The following BAIAP2 variants were observed in gnomAD, a reference collection of about 807,000 sequenced individuals.
BAIAP2 encodes the protein BAR/IMD domain containing adaptor protein 2.
A neutral mutation model predicts 63.0 loss-of-function variants in BAIAP2; 18 were observed. That is an observed-to-expected ratio of 0.29 (90% CI 0.20 to 0.42). BAIAP2 has a LOEUF of 0.42. Among genes scored for constraint, BAIAP2 ranks in the 10% least tolerant of loss-of-function variants. The probability of loss-of-function intolerance (pLI) is 1.00; values close to 1 mark genes in which losing one functional copy is unlikely to be tolerated. For synonymous variants in BAIAP2, 386 were observed against 307.6 expected (o/e 1.25, Z -2.67); for missense variants, 610 against 734.3 (o/e 0.83, Z 1.96).
intron 6 of BAIAP2, chr17:81,098,011 T>C (rs1186803531): frequency 1.3e-5 from 12 of 926,004 alleles, no homozygotes; most frequent in Non-Finnish European, 1.6e-5. Flanking sequence ...GGGTGCCGGG[T>C]GTCAGCTGTG....
At chr17:81,040,904 G>T (rs1369065997) in intron 1 of BAIAP2, among the ~76,000 whole-genome samples, 1 of 152,220 alleles carries the variant, frequency 6.6e-6, no homozygotes, top group Non-Finnish European at 1.5e-5. Context: ...AAAGCCCAGG[G>T]AGCAAGAGTG....
chr17:81,040,147 C>T (rs1192678359), intron 1 of BAIAP2, among the ~76,000 whole-genome samples: 1 of 152,346 alleles, frequency 6.6e-6, no homozygotes, highest in East Asian at 1.9e-4. Flanking sequence ...CTGGTTGAGG[C>T]TGGCTCCTGT....
intron 3 of BAIAP2, 85 bp downstream of exon 3, chr17:81,058,052 T>G: frequency 9.0e-7 from 1 of 1,107,740 alleles, no homozygotes; most frequent in Non-Finnish European, 1.3e-6. Context: ...CAGCCGCTTT[T>G]TGATTTGGGA....
chr17:81,093,809 C>T (rs768375296), intron 6 of BAIAP2, among the ~76,000 whole-genome samples: 1 of 152,210 alleles, frequency 6.6e-6, no homozygotes, highest in Non-Finnish European at 1.5e-5. Context: ...TCGTTCAGAT[C>T]TTCAGAGAAG....
chr17:81,038,483 G>T (rs920640972), intron 1 of BAIAP2, among the ~76,000 whole-genome samples: 1 of 152,240 alleles, frequency 6.6e-6, no homozygotes, highest in Non-Finnish European at 1.5e-5. Context: ...GGAGGAGGAG[G>T]AGTCCCTGTT....
chr17:81,055,569 G>GGTTTTTTTTTTGTTGTTTTT (rs138656369), intron 2 of BAIAP2, among the ~76,000 whole-genome samples: 1 of 94,190 alleles, frequency 1.1e-5, no homozygotes. Flanking sequence ...TCTGCAGGGT[G>GGTTTTTTTTTTGTTGTTTTT]TTTTGTTTTT....
intron 13 of BAIAP2, among the ~76,000 whole-genome samples, chr17:81,114,274 A>G (rs1421385663): frequency 6.6e-6 from 1 of 151,288 alleles, no homozygotes; most frequent in Admixed American, 6.6e-5. Context: ...ATGCCCAGCC[A>G]GCCCCATTTC....
At chr17:81,052,212 G>A (rs1256163798) in intron 1 of BAIAP2, among the ~76,000 whole-genome samples, 7 of 152,138 alleles carry the variant, frequency 4.6e-5, no homozygotes, top group Admixed American at 4.6e-4. Flanking sequence ...ACTGCTCTCT[G>A]GCATGGAAAG....
At chr17:81,087,906 A>G (rs2055984240) in intron 6 of BAIAP2, 1 of 151,692 alleles carries the variant, frequency 6.6e-6, no homozygotes. Flanking sequence ...AGCTGCCATC[A>G]TGGGTCTTTC....
rs138533293 is a variant in BAIAP2, at chr17:81,087,030, G to A, written c.489+450G>A. The A allele has an allele frequency of 1.7e-3, 308 of 177,172 alleles. 10 individuals are homozygous for A. In the East Asian group the frequency reaches 0.041, roughly 24 times the overall value. The allele number at this position is 177,172 out of a possible 1,614,324, so 11.0% of individuals were successfully genotyped here. On this transcript the variant is annotated intron_variant, in intron 6 of 13. Coordinates refer to ENST00000428708, the MANE Select transcript of BAIAP2 (RefSeq NM_001144888.2). ...GTCCCGCCGGCGTCACCGGTGCTGC[G>A]TGCTGAGTGGGCTGGGACGTAGGAA... is the stretch of plus-strand genomic sequence containing the variant.
chr17:81,082,694 C>T (rs1334833075), intron 3 of BAIAP2, among the ~76,000 whole-genome samples: 1 of 152,208 alleles, frequency 6.6e-6, no homozygotes, highest in Non-Finnish European at 1.5e-5. Context: ...TGACACGGAG[C>T]GTTCGGCTTT....
At chr17:81,077,422 G>C (rs2053837520) in intron 3 of BAIAP2, among the ~76,000 whole-genome samples, 1 of 152,050 alleles carries the variant, frequency 6.6e-6, no homozygotes, top group Non-Finnish European at 1.5e-5. Flanking sequence ...ACAAAAATTA[G>C]CTGGGCGTGG....
intron 1 of BAIAP2, among the ~76,000 whole-genome samples, chr17:81,036,212 G>T (rs577859779): frequency 6.6e-6 from 1 of 151,680 alleles, no homozygotes; most frequent in East Asian, 2.0e-4. Context: ...GAGCCCGGCA[G>T]CTGCCGGGGA....
chr17:81,055,604 T>C lies in BAIAP2; in HGVS notation c.130+1861T>C, dbSNP rs539733620. 1.4e-4 allele frequency among the ~76,000 whole-genome samples: 20 copies of C among 145,242 alleles called. No homozygotes were observed. The East Asian group carries it at 1.4e-3, about 10-fold the overall frequency. On this transcript the variant is annotated intron_variant, in intron 2 of 13. Transcript: ENST00000428708. ...TTTTTGAGACGGAGTCTCACTCTGT[T>C]GCCCAGGCCAGACTGCAGTGGCGCT...
At chr17:81,055,490 C>T (rs1208241768) in intron 2 of BAIAP2, among the ~76,000 whole-genome samples, 1 of 152,162 alleles carries the variant, frequency 6.6e-6, no homozygotes, top group Non-Finnish European at 1.5e-5. Flanking sequence ...CATCCCTGGG[C>T]CCGGGGTTGC....
intron 3 of BAIAP2, 49 bp from the exon 4 acceptor site, chr17:81,084,783 C>G (rs754400575): frequency 6.3e-7 from 1 of 1,587,418 alleles, no homozygotes; most frequent in East Asian, 2.2e-5. Context: ...ACGGTGGTGA[C>G]TGCGAGCACC....
chr17:81,094,331 A>G (rs559885672), intron 6 of BAIAP2, among the ~76,000 whole-genome samples: 2 of 152,244 alleles, frequency 1.3e-5, no homozygotes, highest in African/African-American at 4.8e-5. Flanking sequence ...GTCCATCCCA[A>G]TACCAAGCTG....
At chr17:81,041,264 C>T (rs111963962) in intron 1 of BAIAP2, among the ~76,000 whole-genome samples, 33 of 152,360 alleles carry the variant, frequency 2.2e-4, no homozygotes, top group Admixed American at 4.6e-4. Flanking sequence ...GCAGTGGGTA[C>T]AGCGGGCAGG....
intron 13 of BAIAP2, 89 bp downstream of exon 13, chr17:81,108,598 ACC>A: frequency 1.3e-6 from 2 of 1,536,680 alleles, no homozygotes; most frequent in Non-Finnish European, 1.8e-6. Flanking sequence ...ACCTGGGGCC[ACC>A]TCTTTTCCTT....
Sources: allele counts gnomAD v4.1 joint callset (sites outside exome capture counted in the v4.1 genomes callset), GRCh38; gene constraint gnomAD v4.1.1; transcripts MANE v1.5; gene names NCBI Gene and HGNC (gene_info 2026-07-23, HGNC 2026-07-21).